Variants in TTLL11 observed in about 807,000 individuals in gnomAD.
TTLL11 encodes tubulin tyrosine ligase like 11.
TTLL11 carries 42 observed loss-of-function variants against 51.7 expected under a neutral mutation model. The ratio of observed to expected loss-of-function variants is 0.81; its 90% CI spans 0.64 to 1.05. The LOEUF is 1.05. Ranked by LOEUF, TTLL11 falls within the 50% of genes least tolerant of loss-of-function variation. TTLL11 has a pLI of 0.00. For missense variants in TTLL11, 799 were observed against 940.4 expected, an observed-to-expected ratio of 0.85 and a Z score of 1.97; for synonymous variants, 381 against 383.5, an observed-to-expected ratio of 0.99 and a Z score of 0.08.
chr9:121,953,661 G>C (rs1330897412), intron 6 of TTLL11, among the ~76,000 whole-genome samples: 1 of 138,450 alleles, frequency 7.2e-6, no homozygotes, highest in Non-Finnish European at 1.5e-5. Context: ...AAAAGAAGAA[G>C]ATTAACCAAA....
At chr9:121,859,317 C>T (rs4836868) in intron 8 of TTLL11, among the ~76,000 whole-genome samples, 108,776 of 150,064 alleles carry the variant, frequency 0.72, 39,681 homozygotes, top group Middle Eastern at 0.81. Context: ...ATGATGAAAC[C>T]CTGTCTCTAC....
intron 8 of TTLL11, among the ~76,000 whole-genome samples, chr9:121,836,489 T>C (rs907842844): frequency 1.3e-5 from 2 of 152,220 alleles, no homozygotes; most frequent in Non-Finnish European, 2.9e-5. Context: ...CTCTCTGCTC[T>C]CTGCCTGGGA....
At chr9:122,055,203 GGATAGATAGATA>G (rs1222958113) in intron 1 of TTLL11, among the ~76,000 whole-genome samples, 11 of 144,650 alleles carry the variant, frequency 7.6e-5, no homozygotes, top group African/African-American at 1.8e-4. Context: ...AGGACTAATA[GGATAGATAGATA>G]GATAGATAGA....
At position 121,818,711 on chromosome 9, in the gene TTLL11, G is replaced by T. The variant is rs115761526; in HGVS notation, c.*3876C>A. The T allele has an allele frequency of 0.012, 1,908 of 152,642 alleles. 13 individuals are homozygous for T. The highest frequency in any genetic ancestry group is 0.02 in the Non-Finnish European group (1,352 of 68,278). 9.5% of individuals were successfully genotyped at this position (152,642 alleles called of 1,614,324 possible). On this transcript the variant is annotated 3_prime_UTR_variant, in exon 9 of 9. Coordinates refer to ENST00000321582, the MANE Select transcript of TTLL11 (RefSeq NM_001139442.2). Reference sequence around the variant, plus strand: ...CAGAGGAAGGCCATTCCAGGCAGAGGGGCCAGCAAGACAAGGGTGGTGGGA... The same window carrying T: ...CAGAGGAAGGCCATTCCAGGCAGAGTGGCCAGCAAGACAAGGGTGGTGGGA...
chr9:121,827,051 G>A (rs1317649012), intron 8 of TTLL11, among the ~76,000 whole-genome samples: 3 of 152,306 alleles, frequency 2.0e-5, no homozygotes, highest in South Asian at 2.1e-4. Context: ...GGCAAGGCCC[G>A]CGTGATCCGA....
Position 121,815,866 on chromosome 9 carries a change from G to C in TTLL11, c.*6721C>G, listed in dbSNP as rs1018434273. The stretch of plus-strand genomic sequence containing the variant: ...TCTTAAAGGCAGAGCTCAGCACAGA[G>C]CGGAGGGGGCTGGAGCACGTGGGGC... On this transcript the variant is annotated 3_prime_UTR_variant, in exon 9 of 9. Coordinates refer to ENST00000321582, the MANE Select transcript of TTLL11 (RefSeq NM_001139442.2). 6.6e-6 allele frequency: 1 copy of C among 152,204 alleles called. No homozygotes were observed. The highest frequency in any genetic ancestry group is 6.5e-5 in the Admixed American group (1 of 15,286). 9.4% of individuals were successfully genotyped at this position (152,204 alleles called of 1,614,324 possible). A position where few individuals can be genotyped will look rare whatever the true frequency, so the allele number is the denominator to read the frequency against.
intron 8 of TTLL11, among the ~76,000 whole-genome samples, chr9:121,852,482 G>A (rs758695927): frequency 7.2e-5 from 11 of 152,172 alleles, no homozygotes; most frequent in Non-Finnish European, 1.0e-4. Context: ...TCTGGGGATG[G>A]TGGGCAACAA....
chr9:122,047,071 AGAGAGCAAC>A (rs1263020182), intron 1 of TTLL11, among the ~76,000 whole-genome samples: 4 of 152,160 alleles, frequency 2.6e-5, no homozygotes, highest in Non-Finnish European at 5.9e-5. Flanking sequence ...AAGGAATCCC[AGAGAGCAAC>A]GAGGGCACAG....
intron 1 of TTLL11, among the ~76,000 whole-genome samples, chr9:122,062,711 C>T (rs1845469433): frequency 6.6e-6 from 1 of 151,762 alleles, no homozygotes; most frequent in South Asian, 2.1e-4. Flanking sequence ...ACAGGTGATC[C>T]ACCTTCCTCG....
chr9:121,941,524 T>C (rs1046187463), intron 6 of TTLL11, among the ~76,000 whole-genome samples: 1 of 152,246 alleles, frequency 6.6e-6, no homozygotes, highest in East Asian at 1.9e-4. Flanking sequence ...GCATTTCTCA[T>C]GTTAATTCAT....
At chr9:122,044,176 A>G (rs572946575) in intron 1 of TTLL11, among the ~76,000 whole-genome samples, 1 of 152,278 alleles carries the variant, frequency 6.6e-6, no homozygotes, top group Admixed American at 6.5e-5. Flanking sequence ...TGTCCCTATA[A>G]AGGACATGAA....
At chr9:121,845,542 TA>T (rs1837493294) in intron 8 of TTLL11, among the ~76,000 whole-genome samples, 1 of 152,222 alleles carries the variant, frequency 6.6e-6, no homozygotes. Context: ...ATCTAATAGA[TA>T]ATTGTTCAAA....
At chr9:122,021,476 A>G (rs1844179057) in intron 3 of TTLL11, among the ~76,000 whole-genome samples, 1 of 152,208 alleles carries the variant, frequency 6.6e-6, no homozygotes, top group African/African-American at 2.4e-5. Context: ...CCCCCAAAAA[A>G]GCAGAGGTAG....
chr9:122,079,271 A>G (rs985473916), intron 1 of TTLL11, among the ~76,000 whole-genome samples: 4 of 152,166 alleles, frequency 2.6e-5, no homozygotes, highest in African/African-American at 9.7e-5. Flanking sequence ...ATAACCCAAT[A>G]GGTATGAAGT....
At chr9:122,003,148 A>G (rs1843528425) in intron 3 of TTLL11, among the ~76,000 whole-genome samples, 1 of 152,172 alleles carries the variant, frequency 6.6e-6, no homozygotes, top group Non-Finnish European at 1.5e-5. Context: ...AGAAATATGT[A>G]TAAGAAATAG....
chr9:121,881,303 A>ATGTG (rs375992383), intron 6 of TTLL11, among the ~76,000 whole-genome samples: 1 of 112,122 alleles, frequency 8.9e-6, no homozygotes, highest in Admixed American at 9.1e-5. Flanking sequence ...GGGGGAAGCC[A>ATGTG]TGTGTAAAAG....
intron 8 of TTLL11, among the ~76,000 whole-genome samples, chr9:121,845,445 G>C (rs1272401255): frequency 6.6e-6 from 1 of 151,858 alleles, no homozygotes; most frequent in Admixed American, 6.6e-5. Flanking sequence ...ATATGGGCCA[G>C]AGACTCAGAT....
intron 6 of TTLL11, 98 bp downstream of exon 6, chr9:121,973,911 C>T: frequency 1.4e-6 from 1 of 717,886 alleles, no homozygotes; most frequent in Non-Finnish European, 2.3e-6. Context: ...AAATCTCACT[C>T]ACAATGGTAA....
chr9:121,866,259 G>A (rs1043803860), intron 7 of TTLL11, among the ~76,000 whole-genome samples: 1 of 152,184 alleles, frequency 6.6e-6, no homozygotes, highest in Non-Finnish European at 1.5e-5. Flanking sequence ...GAAAATGCGT[G>A]CTGTTAAATT....
Sources: allele counts gnomAD v4.1 joint callset (sites outside exome capture counted in the v4.1 genomes callset), GRCh38; gene constraint gnomAD v4.1.1; transcripts MANE v1.5; gene names NCBI Gene and HGNC (gene_info 2026-07-23, HGNC 2026-07-21).